The following PSD3 variants were observed in gnomAD, a reference collection of about 807,000 sequenced individuals.
The protein encoded by PSD3 is pleckstrin and Sec7 domain containing 3.
A neutral mutation model predicts 105.5 loss-of-function variants in PSD3; 49 were observed. That is an observed-to-expected ratio of 0.46 (90% CI 0.37 to 0.59). PSD3 has a LOEUF of 0.59. PSD3 is among the 20% of genes least tolerant of loss of function. The pLI, the probability that PSD3 is intolerant of heterozygous loss-of-function variation, is 0.00. For synonymous variants in PSD3, 557 were observed against 457.8 expected, an observed-to-expected ratio of 1.22 and a Z score of -2.77; for missense variants, 1,561 against 1,263.8, an observed-to-expected ratio of 1.24 and a Z score of -3.57.
intron 1 of PSD3, among the ~76,000 whole-genome samples, chr8:19,057,383 C>T (rs1563535522): frequency 6.6e-6 from 1 of 152,182 alleles, no homozygotes; most frequent in Non-Finnish European, 1.5e-5. Flanking sequence ...GGCCTCATCT[C>T]AGCAGCATGA....
chr8:19,035,513 T>G (rs1486672018), intron 1 of PSD3, among the ~76,000 whole-genome samples: 2 of 122,664 alleles, frequency 1.6e-5, no homozygotes, highest in Non-Finnish European at 4.0e-5. Flanking sequence ...AAAGGATTTG[T>G]TAAAAAAAAA....
At chr8:18,758,211 A>C (rs562023206) in intron 9 of PSD3, among the ~76,000 whole-genome samples, 1 of 152,318 alleles carries the variant, frequency 6.6e-6, no homozygotes, top group South Asian at 2.1e-4. Flanking sequence ...CTCAGCGATA[A>C]TCAGGAAGTA....
At chr8:18,776,450 C>T (rs1808097365) in intron 8 of PSD3, among the ~76,000 whole-genome samples, 1 of 151,188 alleles carries the variant, frequency 6.6e-6, no homozygotes, top group South Asian at 2.1e-4. Flanking sequence ...GTGGCACAAC[C>T]TCGGCTGACT....
rs1333874671 is a variant in PSD3 at position 18,529,404 on chromosome 8, A to T, written c.*6339T>A. On this transcript the variant is annotated 3_prime_UTR_variant, in exon 16 of 16. Coordinates refer to ENST00000327040, the MANE Select transcript of PSD3 (RefSeq NM_015310.4). ...GTCTTATGTTTGTATAACTTAAAACATTCACTGTGTGTGCATGTGTGCAAG... is the reference window on the plus strand; with the variant it reads ...GTCTTATGTTTGTATAACTTAAAACTTTCACTGTGTGTGCATGTGTGCAAG... 6.6e-6 allele frequency: 1 copy of T among 152,256 alleles called. No homozygotes were observed. The highest frequency in any genetic ancestry group is 1.5e-5 in the Non-Finnish European group (1 of 68,030). 9.4% of individuals were successfully genotyped at this position (152,256 alleles called of 1,614,324 possible).
chr8:18,840,054 G>C (rs1429302258), intron 4 of PSD3, among the ~76,000 whole-genome samples: 2 of 152,200 alleles, frequency 1.3e-5, no homozygotes, highest in South Asian at 2.1e-4. Flanking sequence ...GTAGAAAGTA[G>C]TCATTCCATG....
chr8:18,609,497 TAGCTGTAAAA>T (rs1405048228), intron 11 of PSD3, among the ~76,000 whole-genome samples: 1 of 152,252 alleles, frequency 6.6e-6, no homozygotes, highest in Admixed American at 6.5e-5. Context: ...TCATCTATAC[TAGCTGTAAAA>T]AGCACAAGGC....
At chr8:18,775,014 C>T (rs1186472861) in intron 8 of PSD3, 12 of 454,860 alleles carry the variant, frequency 2.6e-5, no homozygotes, top group South Asian at 1.9e-4. Context: ...TCCCCTGTGC[C>T]CCTCCTCCTC....
At chr8:18,621,701 A>G (rs1806119767) in intron 11 of PSD3, among the ~76,000 whole-genome samples, 1 of 152,136 alleles carries the variant, frequency 6.6e-6, no homozygotes, top group South Asian at 2.1e-4. Flanking sequence ...CTGCTCCGTT[A>G]CACACCCTGC....
rs558841180 is a variant in PSD3 at position 18,708,223 on chromosome 8, G to A, written c.2173-52538C>T. The stretch of plus-strand genomic sequence containing the variant: ...ACACATATGGCAAAGAGGATATAAG[G>A]ATAAAGACAACAGAAAAACCTTCCT... On this transcript the variant is annotated intron_variant, in intron 9 of 15. Coordinates refer to ENST00000327040, the MANE Select transcript of PSD3 (RefSeq NM_015310.4). 2.6e-5 allele frequency among the ~76,000 whole-genome samples: 4 copies of A among 152,186 alleles called. No individual in the cohort carries two copies. The East Asian group carries it at 5.8e-4, about 22-fold the overall frequency.
At chr8:18,902,214 C>T (rs1441448459) in intron 2 of PSD3, among the ~76,000 whole-genome samples, 1 of 152,176 alleles carries the variant, frequency 6.6e-6, no homozygotes, top group Admixed American at 6.5e-5. Context: ...AATGGTGTCC[C>T]ACAAGTCTTA....
At chr8:18,586,161 T>C (rs764579702) in intron 12 of PSD3, among the ~76,000 whole-genome samples, 1 of 152,150 alleles carries the variant, frequency 6.6e-6, no homozygotes, top group African/African-American at 2.4e-5. Context: ...ATATTATTTA[T>C]TAATGCTTCA....
At chr8:18,546,611 T>C (rs1250363151) in intron 15 of PSD3, among the ~76,000 whole-genome samples, 1 of 152,236 alleles carries the variant, frequency 6.6e-6, no homozygotes, top group Non-Finnish European at 1.5e-5. Flanking sequence ...TAATTTCACC[T>C]GTTTCATCTA....
At chr8:18,792,616 AG>A (rs1809826258) in intron 8 of PSD3, among the ~76,000 whole-genome samples, 1 of 152,200 alleles carries the variant, frequency 6.6e-6, no homozygotes, top group Admixed American at 6.5e-5. Context: ...AATGAATGCC[AG>A]GCTTAATACC....
chr8:18,694,865 T>C (rs1364914272), intron 9 of PSD3, among the ~76,000 whole-genome samples: 1 of 151,968 alleles, frequency 6.6e-6, no homozygotes, highest in Non-Finnish European at 1.5e-5. Context: ...TTTCATGTGG[T>C]AGTACTGATT....
At chr8:18,876,151 T>C (rs1320012670) in intron 2 of PSD3, among the ~76,000 whole-genome samples, 1 of 151,970 alleles carries the variant, frequency 6.6e-6, no homozygotes, top group Non-Finnish European at 1.5e-5. Context: ...GGTCTCAAAC[T>C]CCTGATCTCA....
intron 14 of PSD3, among the ~76,000 whole-genome samples, chr8:18,566,540 A>C (rs1178680758): frequency 6.6e-6 from 1 of 151,932 alleles, no homozygotes; most frequent in Non-Finnish European, 1.5e-5. Flanking sequence ...AAAAAAAAAA[A>C]AAAAAAATTC....
chr8:18,872,364 T>A lies in PSD3; in HGVS notation c.500A>T (p.Gln167Leu). The A allele has an allele frequency of 6.2e-7, 1 of 1,614,228 alleles. No homozygotes were observed. The highest frequency in any genetic ancestry group is 8.5e-7 in the Non-Finnish European group (1 of 1,180,046). ...AGTGTCCAGCTCTTTTTCCACCTGCTGAACTGAAAAACTAGAAACAGCATC... is the reference window on the plus strand; with the variant it reads ...AGTGTCCAGCTCTTTTTCCACCTGCAGAACTGAAAAACTAGAAACAGCATC... ...DQDAVSSFSV[Q>L]QVEKELDTAS... The change falls in exon 3 of 16, where the codon CAG becomes CTG. Residue 167 changes from glutamine (Q) to leucine (L), a missense_variant. Physicochemically the swap from Gln to Leu is moderately radical, Grantham distance 113. Transcript: ENST00000327040.
chr8:18,710,200 A>G (rs1802165222), intron 9 of PSD3, among the ~76,000 whole-genome samples: 2 of 152,178 alleles, frequency 1.3e-5, no homozygotes, highest in South Asian at 4.1e-4. Flanking sequence ...CAACGCAACC[A>G]TGAGTATCAA....
intron 1 of PSD3, among the ~76,000 whole-genome samples, chr8:18,950,481 C>T (rs1025967890): frequency 4.6e-5 from 7 of 152,100 alleles, no homozygotes; most frequent in Non-Finnish European, 8.8e-5. Context: ...AAAGAAACAA[C>T]GTATTCCTCT....
Sources: gnomAD v4.1 joint callset for allele counts (sites outside exome capture counted in the v4.1 genomes callset) on GRCh38, gnomAD v4.1.1 for gene constraint, MANE v1.5 for transcripts, NCBI Gene and HGNC (gene_info 2026-07-23, HGNC 2026-07-21) for gene names.